The following PROM1 variants were observed in gnomAD, a reference collection of about 807,000 sequenced individuals.
PROM1 encodes prominin-1.
Under a neutral mutation model 116.9 loss-of-function variants are expected in PROM1, and 105 were observed. That is an observed-to-expected ratio of 0.90 (90% CI 0.77 to 1.06). PROM1 has a LOEUF of 1.06. PROM1 is among the 50% of genes least tolerant of loss of function. The pLI is 0.00. For missense variants in PROM1, 1,122 were observed against 1,045.2 expected (o/e 1.07, Z -1.01); for synonymous variants, 393 against 387.0 (o/e 1.02, Z -0.18).
At chr4:16,044,537 A>G (rs539290000) in intron 2 of PROM1, among the ~76,000 whole-genome samples, 1 of 152,328 alleles carries the variant, frequency 6.6e-6, no homozygotes, top group South Asian at 2.1e-4. Flanking sequence ...TTAAACACAC[A>G]TAGTTCAGGG....
intron 13 of PROM1, among the ~76,000 whole-genome samples, chr4:16,001,574 C>G (rs954495828): frequency 6.6e-6 from 1 of 152,086 alleles, no homozygotes; most frequent in Non-Finnish European, 1.5e-5. Flanking sequence ...TGTGATGCCA[C>G]CTAGGGGACA....
chr4:15,988,378 G>A (rs1720040106), intron 19 of PROM1, among the ~76,000 whole-genome samples: 1 of 152,214 alleles, frequency 6.6e-6, no homozygotes, highest in African/African-American at 2.4e-5. Context: ...TAGACAGGAG[G>A]TTGACAAACT....
chr4:16,014,100 C>T (rs970522219), intron 10 of PROM1, among the ~76,000 whole-genome samples: 10 of 152,158 alleles, frequency 6.6e-5, no homozygotes, highest in Non-Finnish European at 1.2e-4. Flanking sequence ...TTCAACTAAA[C>T]GTGCAGCCTT....
intron 14 of PROM1, among the ~76,000 whole-genome samples, chr4:15,998,701 T>C (rs555100767): frequency 1.3e-5 from 2 of 152,326 alleles, no homozygotes; most frequent in South Asian, 4.1e-4. Flanking sequence ...TCAAAATTAT[T>C]AAAATTACTT....
At position 15,975,307 on chromosome 4, in the gene PROM1, C is replaced by T. The variant is rs531476840; in HGVS notation, c.2582+4088G>A. Among the ~76,000 whole-genome samples, 10 of 152,256 alleles carry T rather than the reference C, an allele frequency of 6.6e-5. No individual in the cohort carries two copies. The South Asian group carries it at 2.1e-3, about 32-fold the overall frequency. On this transcript the variant is annotated intron_variant, in intron 26 of 27. Coordinates refer to ENST00000447510, the MANE Select transcript of PROM1 (RefSeq NM_006017.3). Reference sequence around the variant, plus strand: ...CAATCTCAGCTCACTGCAACCTCCGCCTCCCGGGTTCAAGCGATTCTCCTG... The same window carrying T: ...CAATCTCAGCTCACTGCAACCTCCGTCTCCCGGGTTCAAGCGATTCTCCTG...
rs192098254 is a variant in PROM1, at chr4:16,012,546, A to C, written c.1141+729T>G. Among the ~76,000 whole-genome samples the C allele has an allele frequency of 5.1e-4, 78 of 152,212 alleles. 2 individuals are homozygous for C. The South Asian group carries it at 0.016, about 31-fold the overall frequency. On this transcript the variant is annotated intron_variant, in intron 11 of 27. Coordinates refer to ENST00000447510, the MANE Select transcript of PROM1 (RefSeq NM_006017.3). ...AGACTAAAATCTTCCTAATAGACAA[A>C]ATAAATTCTTTTACACAGTATTCCT...
chr4:16,030,413 T>C (rs1015752226), intron 5 of PROM1, among the ~76,000 whole-genome samples: 1 of 152,180 alleles, frequency 6.6e-6, no homozygotes, highest in Admixed American at 6.5e-5. Flanking sequence ...TTCACATTAA[T>C]GTTTTACTTG....
At position 15,971,490 on chromosome 4, in the gene PROM1, T is replaced by C. The variant is rs370046503; in HGVS notation, c.2583-408A>G. 43 of 162,480 alleles carry C rather than the reference T, an allele frequency of 2.6e-4. 1 individual carries two copies. The South Asian group carries it at 2.9e-3, about 11-fold the overall frequency. 10.1% of individuals were successfully genotyped at this position (162,480 alleles called of 1,614,324 possible). A position where few individuals can be genotyped will look rare whatever the true frequency, so the allele number is the denominator to read the frequency against. On this transcript the variant is annotated intron_variant, in intron 26 of 27. Transcript: ENST00000447510. ...AGCAAATGGAAGTTCCGCAGGGACC[T>C]TGTTACAACTACAAATTCCTGGGTG...
At chr4:16,040,519 A>C (rs974951802) in intron 2 of PROM1, among the ~76,000 whole-genome samples, 3 of 152,244 alleles carry the variant, frequency 2.0e-5, no homozygotes, top group South Asian at 2.1e-4. Context: ...CTGAGAAATC[A>C]TCTGTTTATT....
intron 2 of PROM1, 111 bp downstream of exon 2, chr4:16,075,576 G>A: frequency 9.2e-7 from 1 of 1,087,080 alleles, no homozygotes; most frequent in Non-Finnish European, 1.3e-6. Flanking sequence ...TCTGTGCAAA[G>A]CAATCGCTAA....
rs922733416 is a variant in PROM1 at position 15,980,545 on chromosome 4, A to G, written c.2374-8T>C. The G allele has an allele frequency of 1.4e-6, 2 of 1,471,786 alleles. No individual in the cohort carries two copies. The highest frequency in any genetic ancestry group is 2.5e-5 in the South Asian group (2 of 80,048). The allele number at this position is 1,471,786 out of a possible 1,614,324, so 91.2% of individuals were successfully genotyped here. A position where few individuals can be genotyped will look rare whatever the true frequency, so the allele number is the denominator to read the frequency against. ...GCCAAACCAAAACAAATTCTAGGAA[A>G]AAAAAATCAGAAGAATTAAATGTTT... On this transcript the variant is annotated splice_region_variant and splice_polypyrimidine_tract_variant and intron_variant, in intron 23 of 27. Transcript: ENST00000447510.
rs4698436 is a variant in PROM1 at position 15,991,208 on chromosome 4, C to A, written c.1983+14G>T. ...ACAACTACTACAGTATTTAACCGGA[C>A]GATTTGAACTCACCAAACTGTTTGC... is the stretch of plus-strand genomic sequence containing the variant. On this transcript the variant is annotated intron_variant, in intron 18 of 27. Transcript: ENST00000447510. 6.3e-7 allele frequency: 1 copy of A among 1,596,664 alleles called. No individual in the cohort carries two copies. The highest frequency in any genetic ancestry group is 1.7e-5 in the Admixed American group (1 of 57,568).
intron 12 of PROM1, 104 bp downstream of exon 12, chr4:16,008,845 T>C: frequency 8.8e-7 from 1 of 1,142,190 alleles, no homozygotes; most frequent in Non-Finnish European, 1.2e-6. Context: ...GGCCTCCTTG[T>C]ACAATTTGCT....
chr4:15,986,540 C>T (rs764239854), intron 20 of PROM1, among the ~76,000 whole-genome samples: 3 of 152,126 alleles, frequency 2.0e-5, no homozygotes, highest in Non-Finnish European at 2.9e-5. Context: ...GACCTCAGGG[C>T]ACAGAGCCTG....
rs1014480426 is a variant in PROM1, at chr4:16,038,807, T to A, written c.276+139A>T. 77 of 850,834 alleles carry A rather than the reference T, an allele frequency of 9.0e-5. No individual in the cohort carries two copies. The East Asian group carries it at 2.6e-3, about 29-fold the overall frequency. The allele number at this position is 850,834 out of a possible 1,614,324, so 52.7% of individuals were successfully genotyped here. A position where few individuals can be genotyped will look rare whatever the true frequency, so the allele number is the denominator to read the frequency against. The stretch of plus-strand genomic sequence containing the variant: ...TGGGATTTGTAAGGTGGTTCAATAT[T>A]CCATGAAAGTTCTTAGTCAAAAAAG... On this transcript the variant is annotated intron_variant, in intron 3 of 27. Coordinates refer to ENST00000447510, the MANE Select transcript of PROM1 (RefSeq NM_006017.3).
At position 15,968,250 on chromosome 4, in the gene PROM1, T is replaced by A. The variant is rs544424652; in HGVS notation, c.*1143A>T. On this transcript the variant is annotated 3_prime_UTR_variant, in exon 28 of 28. Transcript: ENST00000447510. ...CCATGTTTTCCAAGTTCCTTTTTATTCAAATGAATCAGAACTGCAATCTGC... is the reference window on the plus strand; with the variant it reads ...CCATGTTTTCCAAGTTCCTTTTTATACAAATGAATCAGAACTGCAATCTGC... 6.6e-6 allele frequency: 1 copy of A among 152,342 alleles called. No individual in the cohort carries two copies. The highest frequency in any genetic ancestry group is 2.1e-4 in the South Asian group (1 of 4,828). 9.4% of individuals were successfully genotyped at this position (152,342 alleles called of 1,614,324 possible). A position where few individuals can be genotyped will look rare whatever the true frequency, so the allele number is the denominator to read the frequency against.
intron 3 of PROM1, 45 bp from the exon 4 acceptor site, chr4:16,035,806 G>A (rs1438630243): frequency 1.3e-6 from 2 of 1,582,742 alleles, no homozygotes; most frequent in East Asian, 2.2e-5. Flanking sequence ...GAGGCAGCAT[G>A]CATCAAGAAA....
At chr4:15,992,467 T>C (rs1451830813) in intron 16 of PROM1, 76 bp from the exon 17 acceptor site, 17 of 1,501,884 alleles carry the variant, frequency 1.1e-5, no homozygotes, top group Non-Finnish European at 1.5e-5. Context: ...AAAAGAGCAA[T>C]AAAAGCTGGA....
chr4:16,068,942 A>G (rs1742179886), intron 2 of PROM1, among the ~76,000 whole-genome samples: 1 of 152,192 alleles, frequency 6.6e-6, no homozygotes, highest in South Asian at 2.1e-4. Flanking sequence ...CTAAATTTAA[A>G]AACATACCAA....
Sources: allele counts gnomAD v4.1 joint callset (sites outside exome capture counted in the v4.1 genomes callset), GRCh38; gene constraint gnomAD v4.1.1; transcripts MANE v1.5; gene names NCBI Gene and HGNC (gene_info 2026-07-23, HGNC 2026-07-21).